The following CACNA2D3 variants were observed in gnomAD, a reference collection of about 807,000 sequenced individuals.
The protein encoded by CACNA2D3 is calcium voltage-gated channel auxiliary subunit alpha2delta 3.
CACNA2D3 carries 60 observed loss-of-function variants against 160.6 expected under a neutral mutation model. The observed-to-expected ratio is 0.37, with a 90% CI of 0.30 to 0.46. The LOEUF is 0.46. CACNA2D3 is among the 20% of genes least tolerant of loss of function. CACNA2D3 has a pLI of 1.00. For synonymous variants in CACNA2D3, 558 were observed against 492.9 expected (o/e 1.13, Z -1.75); for missense variants, 1,205 against 1,365.0 (o/e 0.88, Z 1.85).
chr3:54,582,748 A>G (rs568544320), intron 9 of CACNA2D3, among the ~76,000 whole-genome samples: 4 of 152,264 alleles, frequency 2.6e-5, no homozygotes, highest in South Asian at 2.1e-4. Context: ...GGCACATTCT[A>G]TATGCTGGAG....
At chr3:54,596,994 A>G (rs767620081) in intron 9 of CACNA2D3, among the ~76,000 whole-genome samples, 11 of 150,768 alleles carry the variant, frequency 7.3e-5, no homozygotes, top group Non-Finnish European at 1.6e-4. Context: ...CATGGACAAC[A>G]TTGTGGTCAC....
At chr3:54,259,244 T>C (rs1001772789) in intron 2 of CACNA2D3, among the ~76,000 whole-genome samples, 2 of 152,174 alleles carry the variant, frequency 1.3e-5, no homozygotes, top group Non-Finnish European at 2.9e-5. Flanking sequence ...TTGGCTAAGC[T>C]GATAGGATGA....
intron 3 of CACNA2D3, chr3:54,385,992 CAAATT>C (rs753629539): frequency 1.2e-5 from 6 of 500,194 alleles, no homozygotes; most frequent in African/African-American, 7.8e-5. Flanking sequence ...TAGGCAAAAT[CAAATT>C]AAAGTAAAAA....
At chr3:55,038,002 T>C (rs2107186697) in intron 35 of CACNA2D3, among the ~76,000 whole-genome samples, 1 of 152,352 alleles carries the variant, frequency 6.6e-6, no homozygotes, top group East Asian at 1.9e-4. Context: ...ATAACCTTCC[T>C]GAGAAGTCAC....
intron 3 of CACNA2D3, among the ~76,000 whole-genome samples, chr3:54,379,895 A>G (rs1185875169): frequency 3.3e-5 from 5 of 151,960 alleles, no homozygotes. Context: ...ACTATTCTGT[A>G]AACCATCTTA....
At chr3:54,770,949 A>C (rs1234289246) in intron 13 of CACNA2D3, among the ~76,000 whole-genome samples, 3 of 152,194 alleles carry the variant, frequency 2.0e-5, no homozygotes, top group African/African-American at 7.2e-5. Context: ...ACCATAAAAA[A>C]CTAGGGAGAA....
At chr3:54,128,384 T>G (rs1699641208) in intron 2 of CACNA2D3, among the ~76,000 whole-genome samples, 1 of 152,216 alleles carries the variant, frequency 6.6e-6, no homozygotes, top group Admixed American at 6.5e-5. Flanking sequence ...CCCTAAAGTT[T>G]GAAGCACATA....
At chr3:54,439,071 T>C (rs1181512073) in intron 4 of CACNA2D3, among the ~76,000 whole-genome samples, 1 of 152,142 alleles carries the variant, frequency 6.6e-6, no homozygotes, top group African/African-American at 2.4e-5. Flanking sequence ...AACCTTGCCA[T>C]TGTCTCAAGA....
chr3:54,285,080 G>T (rs1488825863), intron 2 of CACNA2D3, among the ~76,000 whole-genome samples: 1 of 152,182 alleles, frequency 6.6e-6, no homozygotes, highest in African/African-American at 2.4e-5. Context: ...CAGACAGTGG[G>T]TGCAGGACAG....
chr3:54,891,409 C>T lies in CACNA2D3; in HGVS notation c.2205C>T (p.Ser735=). ...TCCTCGGCACTCGCACGGGCCTCTC[C>T]AGAATCAACCTGTTTGTCGGGGCTG... ...VAFLGTRTGL[S]RINLFVGAEQ... is the part of the protein sequence containing the mutation. Residue 735 remains serine (S), a synonymous_variant, in exon 25 of 38, where the codon TCC becomes TCT. Coordinates refer to ENST00000474759, the MANE Select transcript of CACNA2D3 (RefSeq NM_018398.3). The T allele has an allele frequency of 1.9e-6, 3 of 1,613,968 alleles. No individual in the cohort carries two copies. Among genetic ancestry groups the T allele is most frequent in the Non-Finnish European group, 2.5e-6 (3 of 1,179,884 alleles).
rs568564768 is a variant in CACNA2D3 at position 54,313,893 on chromosome 3, A to T, written c.205-6549A>T. 1.2e-3 allele frequency among the ~76,000 whole-genome samples: 171 copies of T among 146,808 alleles called. 1 individual carries two copies. The highest frequency in any genetic ancestry group is 3.8e-3 in the African/African-American group (155 of 40,286). On this transcript the variant is annotated intron_variant, in intron 2 of 37. Coordinates refer to ENST00000474759, the MANE Select transcript of CACNA2D3 (RefSeq NM_018398.3). ...GGCAAAGAAAGCAAGCTTTCTTTAAATTTTTTTTTTTTTAATTTTCACATG... is the reference window on the plus strand; with the variant it reads ...GGCAAAGAAAGCAAGCTTTCTTTAATTTTTTTTTTTTTTAATTTTCACATG...
intron 4 of CACNA2D3, among the ~76,000 whole-genome samples, chr3:54,428,584 T>A (rs866836524): frequency 6.6e-6 from 1 of 152,184 alleles, no homozygotes; most frequent in South Asian, 2.1e-4. Flanking sequence ...ATATTTCTTT[T>A]TTTTTTTTTC....
Position 54,920,559 on chromosome 3 carries a change from A to G in CACNA2D3, c.2449+20691A>G, listed in dbSNP as rs566130447. 7.2e-5 allele frequency among the ~76,000 whole-genome samples: 11 copies of G among 152,350 alleles called. No individual in the cohort carries two copies. The South Asian group carries it at 1.9e-3, about 26-fold the overall frequency. On this transcript the variant is annotated intron_variant, in intron 27 of 37. Transcript: ENST00000474759. The stretch of plus-strand genomic sequence containing the variant: ...GCCAGAGGTTCAGAGCAGCTGCTCC[A>G]GATGAGTTCAAAGTGCCATTGAGAT...
intron 11 of CACNA2D3, among the ~76,000 whole-genome samples, chr3:54,659,535 T>C (rs748807635): frequency 5.9e-5 from 9 of 152,174 alleles, no homozygotes; most frequent in Non-Finnish European, 1.5e-5. Flanking sequence ...AGAGATCATA[T>C]AAGTCTGCCT....
chr3:54,440,456 A>T (rs1473980325), intron 4 of CACNA2D3, among the ~76,000 whole-genome samples: 1 of 152,074 alleles, frequency 6.6e-6, no homozygotes, highest in Admixed American at 6.6e-5. Context: ...AAGGGTAGGA[A>T]TGGTGTCTTC....
At position 54,838,810 on chromosome 3, in the gene CACNA2D3, GT is replaced by G. The variant is rs927939745; in HGVS notation, c.1551+172del. ...TACCATCTGCACAGTTATTTAAAAG[GT>G]TTTTTTTTTATTATTTACAATGACT... On this transcript the variant is annotated intron_variant, in intron 16 of 37. Transcript: ENST00000474759. Among the ~76,000 whole-genome samples, 222 of 148,670 alleles carry G rather than the reference GT, an allele frequency of 1.5e-3. 1 individual carries two copies. The highest frequency in any genetic ancestry group is 2.6e-3 in the African/African-American group (106 of 40,598).
chr3:54,747,829 A>G (rs1701783563), intron 11 of CACNA2D3, among the ~76,000 whole-genome samples: 1 of 152,076 alleles, frequency 6.6e-6, no homozygotes, highest in Non-Finnish European at 1.5e-5. Context: ...ATCATATGCC[A>G]TCTTATCAGG....
At chr3:54,227,594 G>A (rs1234832211) in intron 2 of CACNA2D3, among the ~76,000 whole-genome samples, 4 of 151,910 alleles carry the variant, frequency 2.6e-5, no homozygotes, top group Admixed American at 6.6e-5. Flanking sequence ...TCGCTCTGTC[G>A]CCTAGGCTGG....
intron 5 of CACNA2D3, among the ~76,000 whole-genome samples, chr3:54,515,271 A>G (rs1701532386): frequency 2.0e-5 from 3 of 152,038 alleles, no homozygotes; most frequent in African/African-American, 7.2e-5. Context: ...TTCTGGAGAG[A>G]TGTTCAGGAA....
Sources: allele counts gnomAD v4.1 joint callset (sites outside exome capture counted in the v4.1 genomes callset), GRCh38; gene constraint gnomAD v4.1.1; transcripts MANE v1.5; gene names NCBI Gene and HGNC (gene_info 2026-07-23, HGNC 2026-07-21).